Variants in AIG1 observed in about 807,000 individuals in gnomAD.
AIG1 encodes the protein androgen-induced gene 1 protein.
AIG1 carries 23 observed loss-of-function variants against 31.4 expected under a neutral mutation model. The ratio of observed to expected loss-of-function variants is 0.73; its 90% CI spans 0.53 to 1.04. The LOEUF (loss-of-function observed/expected upper bound fraction) is 1.04, where lower values mean the gene tolerates loss of function less well. Ranked by LOEUF, AIG1 falls within the 50% of genes least tolerant of loss-of-function variation. The pLI is 0.00. For synonymous variants in AIG1, 100 were observed against 110.5 expected (o/e 0.90, Z 0.60); for missense variants, 274 against 295.0 (o/e 0.93, Z 0.52).
chr6:143,342,882 A>T (rs1777884090), downstream of AIG1: 2 of 865,428 alleles, frequency 2.3e-6, no homozygotes, highest in Admixed American at 1.7e-5. Flanking sequence ...TGCTGTCAAC[A>T]TTCAATCATT....
chr6:143,167,498 A>G (rs1246706813), intron 3 of AIG1, among the ~76,000 whole-genome samples: 1 of 152,204 alleles, frequency 6.6e-6, no homozygotes, highest in Non-Finnish European at 1.5e-5. Flanking sequence ...ACTTTGGCTT[A>G]TTGTTAACAG....
chr6:143,148,712 A>G (rs374127808), intron 2 of AIG1, among the ~76,000 whole-genome samples: 1 of 152,166 alleles, frequency 6.6e-6, no homozygotes, highest in African/African-American at 2.4e-5. Context: ...AGTCCCTGCT[A>G]CATGGGAGAC....
downstream of AIG1, chr6:143,342,284 C>T (rs372280947): frequency 1.0e-5 from 7 of 685,636 alleles, no homozygotes; most frequent in African/African-American, 3.5e-5. Flanking sequence ...GCTGGGGCTG[C>T]GGCTCAGCGT....
At chr6:143,342,338 G>T, downstream of AIG1, 3 of 668,162 alleles carry the variant, frequency 4.5e-6, no homozygotes, top group Non-Finnish European at 8.2e-6. Flanking sequence ...AGCTCACTGC[G>T]GTTCTAGCCC....
chr6:143,100,663 A>G (rs908634764), intron 1 of AIG1, among the ~76,000 whole-genome samples: 2 of 152,056 alleles, frequency 1.3e-5, no homozygotes, highest in African/African-American at 4.8e-5. Flanking sequence ...AGAAGATAGT[A>G]ATATAGTCAT....
intron 4 of AIG1, among the ~76,000 whole-genome samples, chr6:143,315,604 A>G (rs191905702): frequency 2.0e-5 from 3 of 152,304 alleles, no homozygotes; most frequent in Non-Finnish European, 1.5e-5. Context: ...CACTGCAGCA[A>G]TTGGAAGTCC....
intron 3 of AIG1, among the ~76,000 whole-genome samples, chr6:143,209,731 T>C (rs1791438911): frequency 6.6e-6 from 1 of 152,268 alleles, no homozygotes; most frequent in South Asian, 2.1e-4. Flanking sequence ...AAATATGTAT[T>C]GTTGTAGGCC....
chr6:143,155,614 G>A (rs542150442), intron 2 of AIG1, among the ~76,000 whole-genome samples: 3 of 152,276 alleles, frequency 2.0e-5, no homozygotes, highest in South Asian at 2.1e-4. Context: ...ACAAGAAACT[G>A]GGGGGAGAAA....
chr6:143,282,200 G>A (rs998394907), intron 3 of AIG1, among the ~76,000 whole-genome samples: 37 of 152,134 alleles, frequency 2.4e-4, no homozygotes, highest in African/African-American at 8.0e-4. Flanking sequence ...TGAATGAAGG[G>A]TAGAACTTAA....
At chr6:143,320,167 G>T (rs1453059629) in intron 4 of AIG1, among the ~76,000 whole-genome samples, 2 of 152,046 alleles carry the variant, frequency 1.3e-5, no homozygotes, top group African/African-American at 4.8e-5. Flanking sequence ...GCTACAATAA[G>T]ATATCACCTC....
At position 143,292,395 on chromosome 6, in the gene AIG1, C is replaced by T. The variant is rs562743886; in HGVS notation, c.515+8170C>T. Among the ~76,000 whole-genome samples the T allele has an allele frequency of 1.5e-4, 23 of 152,214 alleles. No homozygotes were observed. The South Asian group carries it at 3.7e-3, about 25-fold the overall frequency. On this transcript the variant is annotated intron_variant, in intron 4 of 5. Transcript: ENST00000357847. The surrounding 1 kb of genome is among the most constrained non-coding windows in gnomAD (Gnocchi z 4.9). ...TGTGGTCAGAGAGAGACATGACTGC[C>T]GAAGGACAGTTAGAGAGATGCAGTG...
chr6:143,189,722 A>G (rs1789613604), intron 3 of AIG1: 7 of 985,286 alleles, frequency 7.1e-6, no homozygotes, highest in Non-Finnish European at 8.4e-6. Flanking sequence ...AATTTCCCTC[A>G]AAACCCTCAT....
At position 143,177,495 on chromosome 6, in the gene AIG1, T is replaced by C. The variant is rs1464018160; in HGVS notation, c.399+12312T>C. ...ATGTATACGTATCATAAATATACAG[T>C]TGGGTAAGGTGCTTTGGCTTTGGTT... is the stretch of plus-strand genomic sequence containing the variant. On this transcript the variant is annotated intron_variant, in intron 3 of 5. Coordinates refer to ENST00000357847, the MANE Select transcript of AIG1 (RefSeq NM_016108.4). Among the ~76,000 whole-genome samples the C allele has an allele frequency of 2.0e-5, 3 of 152,236 alleles. 1 individual carries two copies. Among genetic ancestry groups the C allele is most frequent in the Middle Eastern group, 6.8e-3 (2 of 294 alleles).
chr6:143,339,778 G>A lies in AIG1; in HGVS notation c.*102G>A. ...GAAAAGGCTTCAAAGGAACTTGGTGGCATCAGCACCCCCCTCCCCCAATGA... is the reference window on the plus strand; with the variant it reads ...GAAAAGGCTTCAAAGGAACTTGGTGACATCAGCACCCCCCTCCCCCAATGA... On this transcript the variant is annotated 3_prime_UTR_variant, in exon 6 of 6. Transcript: ENST00000357847. 5 of 1,197,736 alleles carry A rather than the reference G, an allele frequency of 4.2e-6. No homozygotes were observed. The highest frequency in any genetic ancestry group is 4.2e-5 in the South Asian group (3 of 71,942). The allele number at this position is 1,197,736 out of a possible 1,614,324, so 74.2% of individuals were successfully genotyped here. A position where few individuals can be genotyped will look rare whatever the true frequency, so the allele number is the denominator to read the frequency against.
intron 3 of AIG1, among the ~76,000 whole-genome samples, chr6:143,197,483 C>G (rs1790343285): frequency 1.3e-5 from 2 of 152,182 alleles, no homozygotes; most frequent in Non-Finnish European, 2.9e-5. Flanking sequence ...ACTTATCTCT[C>G]AGGCCAACTG....
intron 2 of AIG1, among the ~76,000 whole-genome samples, chr6:143,144,804 GTGTCTATCTTCTC>G (rs2128535833): frequency 6.6e-6 from 1 of 152,252 alleles, no homozygotes; most frequent in Admixed American, 6.5e-5. Flanking sequence ...TATTTGTGTA[GTGTCTATCTTCTC>G]TGACTTAGTT....
rs558964601 is a variant in AIG1 at position 143,080,496 on chromosome 6, C to T, written c.141+19430C>T. ...AGTGGGGTTTCCTTTAGAAAAACTC[C>T]GATACAATAGGGCATCAATATTTCT... On this transcript the variant is annotated intron_variant, in intron 1 of 5. Transcript: ENST00000357847. Among the ~76,000 whole-genome samples, 33 of 151,498 alleles carry T rather than the reference C, an allele frequency of 2.2e-4. No individual in the cohort carries two copies. The South Asian group carries it at 4.8e-3, about 22-fold the overall frequency.
At chr6:143,154,623 C>T (rs1583347175) in intron 2 of AIG1, among the ~76,000 whole-genome samples, 1 of 152,314 alleles carries the variant, frequency 6.6e-6, no homozygotes, top group East Asian at 1.9e-4. Flanking sequence ...TGTGATACCG[C>T]TCCCACCTCC....
At chr6:143,156,095 C>T (rs1038196895) in intron 2 of AIG1, among the ~76,000 whole-genome samples, 5 of 152,124 alleles carry the variant, frequency 3.3e-5, no homozygotes, top group African/African-American at 4.8e-5. Flanking sequence ...ACAATAGGGA[C>T]CTCAGATCCT....
Sources: gnomAD v4.1 joint callset for allele counts (sites outside exome capture counted in the v4.1 genomes callset) on GRCh38, gnomAD v4.1.1 for gene constraint, Gnocchi (gnomAD v3.1) non-coding constraint, MANE v1.5 for transcripts, NCBI Gene and HGNC (gene_info 2026-07-23, HGNC 2026-07-21) for gene names.